PTCHD4: variants seen among roughly 807,000 people sequenced by gnomAD.
The protein encoded by PTCHD4 is patched domain-containing protein 4.
Under a neutral mutation model 58.1 loss-of-function variants are expected in PTCHD4, and 33 were observed. The ratio of observed to expected loss-of-function variants is 0.57; its 90% CI spans 0.43 to 0.76. The LOEUF (loss-of-function observed/expected upper bound fraction) is 0.76, where lower values mean the gene tolerates loss of function less well. Among genes scored for constraint, PTCHD4 ranks in the 30% least tolerant of loss-of-function variants. The pLI is 0.00. For missense variants in PTCHD4, 1,058 were observed against 1,027.1 expected, an observed-to-expected ratio of 1.03 and a Z score of -0.41; for synonymous variants, 478 against 409.6, an observed-to-expected ratio of 1.17 and a Z score of -2.02.
At chr6:48,109,395 A>G (rs945324700) in intron 1 of PTCHD4, among the ~76,000 whole-genome samples, 2 of 152,166 alleles carry the variant, frequency 1.3e-5, no homozygotes, top group African/African-American at 4.8e-5. Context: ...AACATAACCA[A>G]GTATTTATCT....
chr6:47,988,816 C>T (rs764748633), intron 4 of PTCHD4, among the ~76,000 whole-genome samples: 2 of 152,168 alleles, frequency 1.3e-5, no homozygotes, highest in Admixed American at 1.3e-4. Context: ...ATGTCTTTAT[C>T]AGCAGTGTGA....
chr6:47,918,040 G>A (rs1765314171), intron 4 of PTCHD4, among the ~76,000 whole-genome samples: 1 of 152,046 alleles, frequency 6.6e-6, no homozygotes, highest in Non-Finnish European at 1.5e-5. Flanking sequence ...AGAGGAAACA[G>A]CTTCTAAGTA....
intron 4 of PTCHD4, among the ~76,000 whole-genome samples, chr6:47,921,827 G>A (rs1399634744): frequency 3.3e-5 from 5 of 151,732 alleles, no homozygotes; most frequent in African/African-American, 4.8e-5. Context: ...TGCTATTTTG[G>A]CAGCAAAATA....
At chr6:48,065,075 T>C (rs1177022267) in intron 3 of PTCHD4, among the ~76,000 whole-genome samples, 1 of 152,152 alleles carries the variant, frequency 6.6e-6, no homozygotes, top group Non-Finnish European at 1.5e-5. Context: ...TAATCATGTT[T>C]ATCAGAAGTT....
intron 4 of PTCHD4, among the ~76,000 whole-genome samples, chr6:47,929,380 A>G (rs922406541): frequency 3.9e-5 from 6 of 152,210 alleles, no homozygotes. Flanking sequence ...TTTAACCTTT[A>G]CACTGATATT....
rs1763752522 is a variant in PTCHD4, at chr6:47,872,825, G to A, written c.*5478C>T. On this transcript the variant is annotated 3_prime_UTR_variant, in exon 5 of 5. Transcript: ENST00000339488. ...TAAAATGTGATTTGTAGACTAGGAA[G>A]TTATACTATAAATATATTCTTAACC... 6.6e-6 allele frequency among the ~76,000 whole-genome samples: 1 copy of A among 151,536 alleles called. No homozygotes were observed. Among genetic ancestry groups the A allele is most frequent in the Non-Finnish European group, 1.5e-5 (1 of 67,712 alleles).
At chr6:48,079,888 G>C (rs990619874) in intron 1 of PTCHD4, among the ~76,000 whole-genome samples, 11 of 150,362 alleles carry the variant, frequency 7.3e-5, no homozygotes, top group African/African-American at 2.7e-4. Flanking sequence ...AGAGATTTGG[G>C]TAGAATTTAT....
chr6:48,094,938 AC>A (rs1242778006), intron 1 of PTCHD4, among the ~76,000 whole-genome samples: 1 of 152,168 alleles, frequency 6.6e-6, no homozygotes, highest in Non-Finnish European at 1.5e-5. Flanking sequence ...CTTATGTAAA[AC>A]TCTAGAAAAA....
intron 4 of PTCHD4, among the ~76,000 whole-genome samples, chr6:47,903,576 A>C (rs1449067250): frequency 6.6e-6 from 1 of 152,070 alleles, no homozygotes; most frequent in East Asian, 1.9e-4. Context: ...TGGCCTCCGA[A>C]GGTGCTGGGA....
chr6:47,982,914 T>C (rs1490850879), intron 4 of PTCHD4, among the ~76,000 whole-genome samples: 1 of 152,210 alleles, frequency 6.6e-6, no homozygotes, highest in African/African-American at 2.4e-5. Flanking sequence ...CCAAACAAGA[T>C]TATTTTGGAG....
At chr6:47,974,266 C>A (rs1051971084) in intron 4 of PTCHD4, among the ~76,000 whole-genome samples, 1 of 152,152 alleles carries the variant, frequency 6.6e-6, no homozygotes, top group African/African-American at 2.4e-5. Flanking sequence ...GCTAACCTTT[C>A]GTATGTCCTT....
At chr6:47,913,067 T>C (rs1416029176) in intron 4 of PTCHD4, among the ~76,000 whole-genome samples, 1 of 152,130 alleles carries the variant, frequency 6.6e-6, no homozygotes, top group Admixed American at 6.6e-5. Flanking sequence ...TTTGTATTTG[T>C]TAAAAACTTG....
At chr6:48,019,257 C>T (rs536110723) in intron 3 of PTCHD4, among the ~76,000 whole-genome samples, 2 of 152,242 alleles carry the variant, frequency 1.3e-5, no homozygotes, top group Middle Eastern at 3.4e-3. Context: ...AAGAAAGATT[C>T]AGTGAGCACA....
chr6:47,893,124 C>T (rs1240855102), intron 4 of PTCHD4, among the ~76,000 whole-genome samples: 2 of 152,192 alleles, frequency 1.3e-5, no homozygotes, highest in Non-Finnish European at 2.9e-5. Flanking sequence ...GATTTTCCTG[C>T]CTCAGCCTCC....
chr6:47,885,271 GGT>G (rs912579246), intron 4 of PTCHD4, among the ~76,000 whole-genome samples: 2 of 151,732 alleles, frequency 1.3e-5, no homozygotes, highest in African/African-American at 2.4e-5. Context: ...ATAATAAGGG[GGT>G]GTGTGTGTGT....
intron 4 of PTCHD4, among the ~76,000 whole-genome samples, chr6:47,907,350 T>C (rs1358831601): frequency 6.6e-6 from 1 of 152,168 alleles, no homozygotes; most frequent in Non-Finnish European, 1.5e-5. Context: ...AGGTGAGACT[T>C]CTGATTTTGT....
chr6:48,060,283 G>T (rs776996902), intron 3 of PTCHD4, among the ~76,000 whole-genome samples: 1 of 152,178 alleles, frequency 6.6e-6, no homozygotes, highest in Non-Finnish European at 1.5e-5. Context: ...GTCATTAAAG[G>T]ACCTGGTGAG....
rs111324259 is a variant in PTCHD4, at chr6:47,864,382, T to C, written c.*13921A>G. 2.6e-4 allele frequency among the ~76,000 whole-genome samples: 39 copies of C among 151,920 alleles called. No homozygotes were observed. The highest frequency in any genetic ancestry group is 8.9e-4 in the African/African-American group (37 of 41,402). ...TAGTTTGCTTTGCTAAAATCCTTGA[T>C]GGGTAGTGGCTGCCTCTCATTTCTC... On this transcript the variant is annotated 3_prime_UTR_variant, in exon 5 of 5. Coordinates refer to ENST00000339488, the MANE Select transcript of PTCHD4 (RefSeq NM_001384253.1).
rs766408254 is a variant in PTCHD4 at position 47,878,896 on chromosome 6, T to C, written c.1939A>G (p.Met647Val). ...GTGACAGACAAGCTGTAATGGTCCA[T>C]GAAGACAAAGGAGGGGTTGAACACG... ...FIVFNPSFVF[M>V]DHYSLSVTVP... is the part of the protein sequence containing the mutation. The change falls in exon 5 of 5, where the codon ATG becomes GTG. Residue 647 changes from methionine (M) to valine (V), a missense_variant. Transcript: ENST00000339488. 27 of 1,613,484 alleles carry C rather than the reference T, an allele frequency of 1.7e-5. No individual in the cohort carries two copies. The highest frequency in any genetic ancestry group is 2.2e-5 in the Non-Finnish European group (26 of 1,179,760).
Sources: gnomAD v4.1 joint callset for allele counts (sites outside exome capture counted in the v4.1 genomes callset) on GRCh38, gnomAD v4.1.1 for gene constraint, MANE v1.5 for transcripts, NCBI Gene and HGNC (gene_info 2026-07-23, HGNC 2026-07-21) for gene names.